KAZN: variants seen among roughly 807,000 people sequenced by gnomAD.
KAZN encodes kazrin.
A neutral mutation model predicts 87.4 loss-of-function variants in KAZN; 40 were observed. The observed-to-expected ratio is 0.46, with a 90% CI of 0.36 to 0.60. The LOEUF is 0.60. KAZN is among the 20% of genes least tolerant of loss of function. KAZN has a pLI of 0.00. For synonymous variants in KAZN, 466 were observed against 458.3 expected, an observed-to-expected ratio of 1.02 and a Z score of -0.22; for missense variants, 898 against 1,073.9, an observed-to-expected ratio of 0.84 and a Z score of 2.29.
intron 13 of KAZN, among the ~76,000 whole-genome samples, chr1:15,110,503 G>T (rs1399202261): frequency 5.7e-4 from 13 of 22,804 alleles, no homozygotes; most frequent in African/African-American, 8.0e-4. Flanking sequence ...GTATGTGTGT[G>T]TATTTGTGTG....
At chr1:14,874,497 G>T (rs1652530813) in intron 1 of KAZN, among the ~76,000 whole-genome samples, 1 of 151,740 alleles carries the variant, frequency 6.6e-6, no homozygotes, top group Admixed American at 6.6e-5. Context: ...TGGATGGATG[G>T]ATGGATGGAT....
At chr1:14,716,250 G>A (rs1042749154) in intron 1 of KAZN, among the ~76,000 whole-genome samples, 2 of 152,152 alleles carry the variant, frequency 1.3e-5, no homozygotes, top group Non-Finnish European at 2.9e-5. Context: ...CAAAATAAGT[G>A]TGTAGGTCAT....
chr1:14,370,278 G>A (rs1660370301), intron 2 of KAZN, among the ~76,000 whole-genome samples: 1 of 152,186 alleles, frequency 6.6e-6, no homozygotes, highest in South Asian at 2.1e-4. Flanking sequence ...TGGGTAGGGT[G>A]GAGGGTGGGC....
intron 1 of KAZN, among the ~76,000 whole-genome samples, chr1:13,982,291 C>T (rs2101081660): frequency 6.6e-6 from 1 of 152,256 alleles, no homozygotes; most frequent in South Asian, 2.1e-4. Flanking sequence ...AAGAATGAAG[C>T]CGTGAACCCT....
intron 2 of KAZN, among the ~76,000 whole-genome samples, chr1:14,361,064 C>T (rs1166781392): frequency 6.6e-6 from 1 of 152,190 alleles, no homozygotes; most frequent in African/African-American, 2.4e-5. Context: ...TGCTCTGTCC[C>T]ACGGAGATGG....
intron 1 of KAZN, among the ~76,000 whole-genome samples, chr1:14,816,695 T>C (rs528859566): frequency 2.6e-5 from 4 of 152,226 alleles, no homozygotes; most frequent in African/African-American, 9.6e-5. Context: ...TAGATATAAA[T>C]AGATAATGAT....
chr1:14,450,354 C>T (rs575038553), intron 2 of KAZN, among the ~76,000 whole-genome samples: 6 of 152,206 alleles, frequency 3.9e-5, no homozygotes, highest in East Asian at 1.9e-4. Flanking sequence ...TTTCGGAGGC[C>T]GAAGCGGGTA....
chr1:15,090,351 C>G lies in KAZN; in HGVS notation c.1223-3829C>G, dbSNP rs559834171. On this transcript the variant is annotated intron_variant, in intron 8 of 14. Coordinates refer to ENST00000376030, the MANE Select transcript of KAZN (RefSeq NM_201628.3). ...GTGAAGCCAGCCAGGCTGGAGGCCTCCCGGGGGCTCTCAGCTCTTTCCCAT... is the reference window on the plus strand; with the variant it reads ...GTGAAGCCAGCCAGGCTGGAGGCCTGCCGGGGGCTCTCAGCTCTTTCCCAT... Among the ~76,000 whole-genome samples, 448 of 152,342 alleles carry G rather than the reference C, an allele frequency of 2.9e-3. 7 individuals carry two copies. Among genetic ancestry groups the G allele is most frequent in the Non-Finnish European group, 2.5e-3 (170 of 68,032 alleles).
chr1:14,145,993 A>AT (rs1645340660), intron 1 of KAZN, among the ~76,000 whole-genome samples: 9 of 151,898 alleles, frequency 5.9e-5, no homozygotes. Context: ...GTATTCTAAT[A>AT]TTTTTTCTCA....
chr1:14,074,593 G>T (rs1307056402), intron 1 of KAZN, among the ~76,000 whole-genome samples: 1 of 150,472 alleles, frequency 6.6e-6, no homozygotes. Context: ...GGAGAGTTGG[G>T]GGGCACATCT....
At chr1:14,826,036 T>C (rs184713435) in intron 1 of KAZN, among the ~76,000 whole-genome samples, 353 of 152,190 alleles carry the variant, frequency 2.3e-3, no homozygotes, top group Non-Finnish European at 4.3e-3. Context: ...AAAGTCCACA[T>C]AGCAAAGAAG....
chr1:14,074,491 T>G (rs190876620), intron 1 of KAZN, among the ~76,000 whole-genome samples: 1 of 152,300 alleles, frequency 6.6e-6, no homozygotes, highest in Non-Finnish European at 1.5e-5. Context: ...GGGAAAAGCC[T>G]GTCGCAGTCT....
At chr1:14,233,968 A>G (rs1282216850) in intron 2 of KAZN, among the ~76,000 whole-genome samples, 1 of 152,238 alleles carries the variant, frequency 6.6e-6, no homozygotes, top group African/African-American at 2.4e-5. Flanking sequence ...AAATTAGTTC[A>G]ACCATTGTGC....
Position 14,980,073 on chromosome 1 carries a change from G to A in KAZN, c.418+19198G>A, listed in dbSNP as rs530177351. On this transcript the variant is annotated intron_variant, in intron 2 of 14. Coordinates refer to ENST00000376030, the MANE Select transcript of KAZN (RefSeq NM_201628.3). The stretch of plus-strand genomic sequence containing the variant: ...CTGGCTAATTTTTGTATTTTTAGTA[G>A]AGATGGGGTTTCACCATATTGGTCT... Among the ~76,000 whole-genome samples, 6 of 152,182 alleles carry A rather than the reference G, an allele frequency of 3.9e-5. No individual in the cohort carries two copies. In the South Asian group the frequency reaches 6.2e-4, roughly 16 times the overall value.
intron 8 of KAZN, among the ~76,000 whole-genome samples, chr1:15,091,820 C>T (rs1197829905): frequency 6.6e-6 from 1 of 152,112 alleles, no homozygotes; most frequent in African/African-American, 2.4e-5. Flanking sequence ...TATTACAAAA[C>T]TATACATGTT....
intron 2 of KAZN, among the ~76,000 whole-genome samples, chr1:14,457,251 G>T (rs751389647): frequency 2.6e-5 from 4 of 152,110 alleles, no homozygotes; most frequent in Admixed American, 6.5e-5. Flanking sequence ...ATTCACTGTG[G>T]TTTATTTTGC....
At chr1:14,032,441 TA>T (rs1195912896) in intron 1 of KAZN, among the ~76,000 whole-genome samples, 19 of 152,246 alleles carry the variant, frequency 1.2e-4, no homozygotes, top group East Asian at 9.7e-4. Flanking sequence ...CCTGTGCCCT[TA>T]ACCACTGTAC....
At chr1:14,485,892 C>CAA (rs1038275850) in intron 2 of KAZN, among the ~76,000 whole-genome samples, 12 of 85,506 alleles carry the variant, frequency 1.4e-4, no homozygotes, top group East Asian at 6.4e-4. Context: ...GACTCCATCT[C>CAA]AAAAAAAAAA....
intron 1 of KAZN, among the ~76,000 whole-genome samples, chr1:14,007,836 C>G (rs1423920807): frequency 6.6e-6 from 1 of 152,100 alleles, no homozygotes; most frequent in Non-Finnish European, 1.5e-5. Flanking sequence ...ATTTTTAACT[C>G]TAAGTCGGCG....
Sources: allele counts gnomAD v4.1 joint callset (sites outside exome capture counted in the v4.1 genomes callset), GRCh38; gene constraint gnomAD v4.1.1; transcripts MANE v1.5; gene names NCBI Gene and HGNC (gene_info 2026-07-23, HGNC 2026-07-21).